Variants in LRP1B observed in about 807,000 individuals in gnomAD.
The protein encoded by LRP1B is low-density lipoprotein receptor-related protein 1B.
In LRP1B, 217 loss-of-function variants were observed where a neutral mutation model predicts 556.6. The ratio of observed to expected loss-of-function variants is 0.39; its 90% confidence interval spans 0.35 to 0.44. The LOEUF is 0.44. LRP1B is among the 20% of genes least tolerant of loss of function. The pLI is 1.00. For synonymous variants in LRP1B, 2,047 were observed against 1,865.8 expected, an observed-to-expected ratio of 1.10 and a Z score of -2.50; for missense variants, 5,053 against 5,620.8, an observed-to-expected ratio of 0.90 and a Z score of 3.23.
chr2:141,017,315 C>A (rs1697928654), intron 12 of LRP1B, among the ~76,000 whole-genome samples: 1 of 151,682 alleles, frequency 6.6e-6, no homozygotes, highest in African/African-American at 2.4e-5. Flanking sequence ...CTGAAATTTT[C>A]TTATATACAG....
intron 3 of LRP1B, among the ~76,000 whole-genome samples, chr2:141,317,057 A>G (rs1687060986): frequency 6.6e-6 from 1 of 152,218 alleles, no homozygotes; most frequent in South Asian, 2.1e-4. Context: ...ACTGGGCATA[A>G]TGTGGCAGGA....
At chr2:141,366,845 A>G (rs1689054822) in intron 3 of LRP1B, among the ~76,000 whole-genome samples, 1 of 151,790 alleles carries the variant, frequency 6.6e-6, no homozygotes, top group Admixed American at 6.6e-5. Flanking sequence ...ACTTTTCTCA[A>G]TCTCTGTCAA....
chr2:142,030,491 T>C (rs752768090), intron 1 of LRP1B, among the ~76,000 whole-genome samples: 1 of 151,908 alleles, frequency 6.6e-6, no homozygotes, highest in Non-Finnish European at 1.5e-5. Context: ...AAGTTGATAC[T>C]GAGAAAATGA....
In LRP1B at chr2:140,641,832, C is replaced by T. The variant is rs545436566; in HGVS notation, c.6800-40193G>A. On this transcript the variant is annotated intron_variant, in intron 41 of 90. Transcript: ENST00000389484. ...CTTTGTTTTTACTTTTAAAAATAGG[C>T]TCTGGAATCTAAAAATGAAAATAAT... Among the ~76,000 whole-genome samples, 23 of 152,290 alleles carry T rather than the reference C, an allele frequency of 1.5e-4. No individual in the cohort carries two copies. In the South Asian group the frequency reaches 4.6e-3, roughly 30 times the overall value.
intron 43 of LRP1B, among the ~76,000 whole-genome samples, chr2:140,594,040 T>C (rs1682334247): frequency 6.6e-6 from 1 of 151,960 alleles, no homozygotes. Context: ...TGCAGTGACA[T>C]GATGTCGGCT....
Position 140,233,341 on chromosome 2 carries a change from AAAT to A in LRP1B, c.13660-18_13660-16del, listed in dbSNP as rs758492245. On this transcript the variant is annotated splice_polypyrimidine_tract_variant and intron_variant, in intron 90 of 90. Coordinates refer to ENST00000389484, the MANE Select transcript of LRP1B (RefSeq NM_018557.3). ...TAATTTGTTGGCTGAAGGAGAAAAA[AAAT>A]AAATATAATTTTATTACTGGTCTTG... is the stretch of plus-strand genomic sequence containing the variant. The A allele has an allele frequency of 7.1e-6, 11 of 1,549,248 alleles. No individual in the cohort carries two copies. The Admixed American group carries it at 2.1e-4, about 30-fold the overall frequency.
chr2:141,811,604 G>C (rs1290176771), intron 1 of LRP1B, among the ~76,000 whole-genome samples: 1 of 151,984 alleles, frequency 6.6e-6, no homozygotes, highest in Non-Finnish European at 1.5e-5. Context: ...TACAGATGTA[G>C]GGTATAAGAG....
At chr2:141,818,622 T>C (rs1005641517) in intron 1 of LRP1B, among the ~76,000 whole-genome samples, 12 of 141,900 alleles carry the variant, frequency 8.5e-5, no homozygotes, top group African/African-American at 2.9e-4. Flanking sequence ...ATGCAACCTC[T>C]GCCTCCCAGG....
At chr2:141,697,879 G>A (rs1183844753) in intron 2 of LRP1B, among the ~76,000 whole-genome samples, 2 of 151,954 alleles carry the variant, frequency 1.3e-5, no homozygotes, top group African/African-American at 4.8e-5. Context: ...CAGCACTGTT[G>A]TACACTTTAA....
At chr2:141,733,726 T>A (rs927204910) in intron 2 of LRP1B, among the ~76,000 whole-genome samples, 1 of 152,134 alleles carries the variant, frequency 6.6e-6, no homozygotes, top group African/African-American at 2.4e-5. Context: ...CACAACTCCA[T>A]GCTTTGAGAG....
chr2:140,541,204 T>A, intron 44 of LRP1B, 106 bp from the exon 45 acceptor site: 1 of 952,162 alleles, frequency 1.1e-6, no homozygotes, highest in Non-Finnish European at 1.6e-6. Context: ...CTCAATAATA[T>A]GTCATTAAAA....
At chr2:142,117,251 G>T (rs1385248593) in intron 1 of LRP1B, among the ~76,000 whole-genome samples, 1 of 152,004 alleles carries the variant, frequency 6.6e-6, no homozygotes. Flanking sequence ...ACCTCTGCTG[G>T]GTCATTAATG....
chr2:140,383,077 C>T (rs1683598329), intron 67 of LRP1B, among the ~76,000 whole-genome samples: 2 of 152,226 alleles, frequency 1.3e-5, no homozygotes, highest in South Asian at 2.1e-4. Context: ...CACACAATGA[C>T]AAAATTGCCT....
chr2:141,186,258 G>A (rs949026391), intron 7 of LRP1B, among the ~76,000 whole-genome samples: 2 of 149,450 alleles, frequency 1.3e-5, no homozygotes, highest in African/African-American at 4.9e-5. Context: ...AATAGTCAAG[G>A]CCAAATACAT....
chr2:140,411,846 G>C (rs983274826), intron 66 of LRP1B, among the ~76,000 whole-genome samples: 2 of 151,994 alleles, frequency 1.3e-5, no homozygotes, highest in Admixed American at 6.6e-5. Flanking sequence ...ATCTCTTCCT[G>C]TTACCTCAGT....
intron 6 of LRP1B, among the ~76,000 whole-genome samples, chr2:141,220,236 C>A (rs1316605190): frequency 6.6e-6 from 1 of 152,054 alleles, no homozygotes; most frequent in African/African-American, 2.4e-5. Flanking sequence ...ACATAAATGA[C>A]CTGAAGGAGC....
chr2:141,682,632 T>A (rs892983787), intron 2 of LRP1B, among the ~76,000 whole-genome samples: 2 of 152,132 alleles, frequency 1.3e-5, no homozygotes, highest in Non-Finnish European at 1.5e-5. Context: ...TTCGAGTACA[T>A]GTGTACTTTT....
At chr2:140,650,535 G>T (rs1408047094) in intron 41 of LRP1B, among the ~76,000 whole-genome samples, 1 of 151,922 alleles carries the variant, frequency 6.6e-6, no homozygotes, top group Non-Finnish European at 1.5e-5. Flanking sequence ...TTTTAGAAGA[G>T]ACGGTGTTTC....
At chr2:140,348,297 G>C (rs898542651) in intron 77 of LRP1B, among the ~76,000 whole-genome samples, 3 of 151,990 alleles carry the variant, frequency 2.0e-5, no homozygotes, top group Non-Finnish European at 2.9e-5. Flanking sequence ...AAAGATTTAG[G>C]AGGCAAAGTT....
Sources: gnomAD v4.1 joint callset for allele counts (sites outside exome capture counted in the v4.1 genomes callset) on GRCh38, gnomAD v4.1.1 for gene constraint, MANE v1.5 for transcripts, NCBI Gene and HGNC (gene_info 2026-07-23, HGNC 2026-07-21) for gene names.